The following CEMIP variants were observed in gnomAD, a reference collection of about 807,000 sequenced individuals.
CEMIP encodes the protein cell migration-inducing and hyaluronan-binding protein.
Under a neutral mutation model 156.9 loss-of-function variants are expected in CEMIP, and 105 were observed. The ratio of observed to expected loss-of-function variants is 0.67; its 90% CI spans 0.57 to 0.79. The LOEUF is 0.79. Ranked by LOEUF, CEMIP falls within the 30% of genes least tolerant of loss-of-function variation. CEMIP has a pLI of 0.00. For synonymous variants in CEMIP, 676 were observed against 668.4 expected (o/e 1.01, Z -0.17); for missense variants, 1,457 against 1,769.4 (o/e 0.82, Z 3.17).
chr15:80,932,108 G>A lies in CEMIP; in HGVS notation c.2793+69G>A. ...GGATGGTGATTCACAAGTCCCCTGGGTCCCAGAGTTTGAGCTATTGCCACC... is the reference window on the plus strand; with the variant it reads ...GGATGGTGATTCACAAGTCCCCTGGATCCCAGAGTTTGAGCTATTGCCACC... On this transcript the variant is annotated intron_variant, in intron 22 of 29. Coordinates refer to ENST00000394685, the MANE Select transcript of CEMIP (RefSeq NM_001293298.2). This position sits in a 1 kb window ranked among gnomAD's most constrained non-coding sequence, Gnocchi z 4.5. 6.4e-7 allele frequency: 1 copy of A among 1,574,560 alleles called. No individual in the cohort carries two copies. Among genetic ancestry groups the A allele is most frequent in the Non-Finnish European group, 8.7e-7 (1 of 1,155,730 alleles).
intron 1 of CEMIP, among the ~76,000 whole-genome samples, chr15:80,785,105 C>T (rs543772382): frequency 6.6e-6 from 1 of 152,154 alleles, no homozygotes; most frequent in South Asian, 2.1e-4. Context: ...CTCTCTGGAC[C>T]GAGCTACTTT....
chr15:80,824,531 C>G (rs1896985999), intron 1 of CEMIP, among the ~76,000 whole-genome samples: 1 of 152,142 alleles, frequency 6.6e-6, no homozygotes, highest in African/African-American at 2.4e-5. Flanking sequence ...AGACCCGCAG[C>G]CTCTTGCCCC....
rs752001815 is a variant in CEMIP at position 80,942,967 on chromosome 15, G to A, written c.3722G>A (p.Ser1241Asn). Reference protein sequence around the residue: ...YIEVDGKKYPSSEDGIQVVVI... With the variant: ...YIEVDGKKYPNSEDGIQVVVI... Reference sequence around the variant, plus strand: ...TAGGTGGATGGGAAGAAGTACCCCAGTTCGGAGGATGGCATCCAGGTGGTG... The same window carrying A: ...TAGGTGGATGGGAAGAAGTACCCCAATTCGGAGGATGGCATCCAGGTGGTG... The change falls in exon 28 of 30, where the codon AGT (serine) becomes AAT (asparagine). Residue 1241 changes from serine (S) to asparagine (N), a missense_variant. This residue lies in a region of CEMIP where 798 missense variants were observed against 980.1 expected (regional missense o/e 0.81). Transcript: ENST00000394685. 1 of 1,614,228 alleles carries A rather than the reference G, an allele frequency of 6.2e-7. No individual in the cohort carries two copies. The highest frequency in any genetic ancestry group is 1.7e-5 in the Admixed American group (1 of 60,030).
rs565528204 is a variant in CEMIP at position 80,949,502 on chromosome 15, CT to C, written c.*581del. 190 of 174,680 alleles carry C rather than the reference CT, an allele frequency of 1.1e-3. No homozygotes were observed. Among genetic ancestry groups the C allele is most frequent in the African/African-American group, 4.3e-3 (180 of 42,104 alleles). 10.8% of individuals were successfully genotyped at this position (174,680 alleles called of 1,614,324 possible). ...CTGGCCGTGTCCACCTTTCAGGAGA[CT>C]TTGAGTGGCAGGTTTGGACTTGGAC... On this transcript the variant is annotated 3_prime_UTR_variant, in exon 30 of 30. Coordinates refer to ENST00000394685, the MANE Select transcript of CEMIP (RefSeq NM_001293298.2).
chr15:80,817,181 G>C (rs186054733), intron 1 of CEMIP, among the ~76,000 whole-genome samples: 2 of 152,156 alleles, frequency 1.3e-5, no homozygotes, highest in African/African-American at 2.4e-5. Context: ...GATGCGGAAG[G>C]CTGTGGGACA....
chr15:80,936,632 C>A, intron 23 of CEMIP, 42 bp from the exon 24 acceptor site: 1 of 1,527,042 alleles, frequency 6.5e-7, no homozygotes, highest in East Asian at 2.2e-5. Flanking sequence ...AATAATCCTT[C>A]GTAATAGCCT....
intron 13 of CEMIP, 56 bp from the exon 14 acceptor site, chr15:80,909,041 A>G: frequency 6.5e-7 from 1 of 1,540,752 alleles, no homozygotes; most frequent in South Asian, 1.1e-5. Context: ...GGCACCAGCC[A>G]GGGAAATCAC....
intron 1 of CEMIP, among the ~76,000 whole-genome samples, chr15:80,824,366 C>G (rs1424133187): frequency 6.6e-6 from 1 of 152,184 alleles, no homozygotes; most frequent in African/African-American, 2.4e-5. Context: ...CTTGTTTGGG[C>G]CTCAGATTCT....
rs965390419 is a variant in CEMIP at position 80,897,450 on chromosome 15, A to C, written c.1411+1390A>C. On this transcript the variant is annotated intron_variant, in intron 12 of 29. Transcript: ENST00000394685. The stretch of plus-strand genomic sequence containing the variant: ...AGGTCATGTGGTGGAGGCAGTCCAC[A>C]AACAATGCAGCTGTGATGTCAGGGT... 17 of 424,100 alleles carry C rather than the reference A, an allele frequency of 4.0e-5. 1 individual carries two copies. Among genetic ancestry groups the C allele is most frequent in the African/African-American group, 3.5e-4 (17 of 49,180 alleles). The allele number at this position is 424,100 out of a possible 1,614,324, so 26.3% of individuals were successfully genotyped here.
At chr15:80,933,105 T>A in intron 22 of CEMIP, 140 bp from the exon 23 acceptor site, 1 of 741,940 alleles carries the variant, frequency 1.3e-6, no homozygotes, top group Non-Finnish European at 2.3e-6. Flanking sequence ...AGCCACGTGG[T>A]TTCTCTCAGT....
intron 1 of CEMIP, among the ~76,000 whole-genome samples, chr15:80,867,583 C>G (rs1898163712): frequency 6.6e-6 from 1 of 152,180 alleles, no homozygotes; most frequent in South Asian, 2.1e-4. Flanking sequence ...TCCCTGGGGT[C>G]CCCGCACAGC....
intron 1 of CEMIP, among the ~76,000 whole-genome samples, chr15:80,780,066 G>T (rs79709269): frequency 0.022 from 3,298 of 152,252 alleles, 90 homozygotes; most frequent in East Asian, 0.11. Flanking sequence ...TCTAGCGGGC[G>T]TGCGCCTAGC....
intron 1 of CEMIP, among the ~76,000 whole-genome samples, chr15:80,800,024 T>TGTGTGTGC (rs1308438930): frequency 1.1e-4 from 15 of 140,636 alleles, no homozygotes; most frequent in Non-Finnish European, 1.9e-4. Flanking sequence ...TAATTTTATG[T>TGTGTGTGC]GTGTGTGTGT....
At chr15:80,783,411 A>G (rs945249384) in intron 1 of CEMIP, among the ~76,000 whole-genome samples, 1 of 152,230 alleles carries the variant, frequency 6.6e-6, no homozygotes, top group Non-Finnish European at 1.5e-5. Context: ...AGCATCAGCT[A>G]TCTCTCACTG....
At chr15:80,901,199 G>A (rs556118230) in intron 12 of CEMIP, among the ~76,000 whole-genome samples, 6 of 151,926 alleles carry the variant, frequency 3.9e-5, no homozygotes, top group East Asian at 1.9e-4. Flanking sequence ...CATGAATTTC[G>A]TTTTCTGTGA....
chr15:80,836,760 C>T (rs942087333), intron 1 of CEMIP, among the ~76,000 whole-genome samples: 7 of 151,970 alleles, frequency 4.6e-5, no homozygotes, highest in East Asian at 1.9e-4. Flanking sequence ...TCAGCTTCCA[C>T]GCCCAGATTT....
intron 1 of CEMIP, among the ~76,000 whole-genome samples, chr15:80,786,664 CAT>C (rs1182973370): frequency 2.6e-5 from 4 of 151,680 alleles, no homozygotes; most frequent in African/African-American, 7.3e-5. Context: ...GGAATTACCA[CAT>C]GTGTGATAAT....
chr15:80,787,920 T>A (rs936186759), intron 1 of CEMIP, among the ~76,000 whole-genome samples: 1 of 152,204 alleles, frequency 6.6e-6, no homozygotes, highest in Non-Finnish European at 1.5e-5. Context: ...CTTGGGTGTC[T>A]GTCTGGCTCT....
chr15:80,907,551 C>T (rs1899861885), intron 13 of CEMIP, among the ~76,000 whole-genome samples: 1 of 152,218 alleles, frequency 6.6e-6, no homozygotes, highest in Non-Finnish European at 1.5e-5. Flanking sequence ...CAGAGTGAGA[C>T]TCCATCTCAA....
Sources: allele counts gnomAD v4.1 joint callset (sites outside exome capture counted in the v4.1 genomes callset), GRCh38; gene constraint gnomAD v4.1.1; regional missense constraint gnomAD v4.1.1; non-coding constraint Gnocchi (gnomAD v3.1); transcripts MANE v1.5; gene names NCBI Gene and HGNC (gene_info 2026-07-23, HGNC 2026-07-21).